Variants in FYCO1 observed in about 807,000 individuals in gnomAD.
FYCO1 encodes the protein FYVE and coiled-coil domain-containing protein 1.
FYCO1 carries 122 observed loss-of-function variants against 165.1 expected under a neutral mutation model. That is an observed-to-expected ratio of 0.74 (90% CI 0.64 to 0.86). The LOEUF is 0.86. Among genes scored for constraint, FYCO1 ranks in the 40% least tolerant of loss-of-function variants. The pLI, the probability that FYCO1 is intolerant of heterozygous loss-of-function variation, is 0.00. For synonymous variants in FYCO1, 648 were observed against 742.5 expected (o/e 0.87, Z 2.07); for missense variants, 1,702 against 1,810.3 (o/e 0.94, Z 1.09).
Position 45,964,288 on chromosome 3 carries a change from T to C in FYCO1, c.3269+48A>G. On this transcript the variant is annotated intron_variant, in intron 10 of 17. Transcript: ENST00000296137. The surrounding 1 kb of genome is among the most constrained non-coding windows in gnomAD (Gnocchi z 4.1). ...CTTTCTAAATGACGAGACCAAACACTCCTTCCCTGAAGACTACCGACAGCT... is the reference window on the plus strand; with the variant it reads ...CTTTCTAAATGACGAGACCAAACACCCCTTCCCTGAAGACTACCGACAGCT... 7.2e-7 allele frequency: 1 copy of C among 1,390,686 alleles called. No individual in the cohort carries two copies. Among genetic ancestry groups the C allele is most frequent in the Non-Finnish European group, 1.0e-6 (1 of 976,230 alleles). 86.1% of individuals were successfully genotyped at this position (1,390,686 alleles called of 1,614,324 possible).
intron 4 of FYCO1, among the ~76,000 whole-genome samples, chr3:45,979,011 C>T (rs896949194): frequency 2.0e-5 from 3 of 151,928 alleles, no homozygotes; most frequent in Non-Finnish European, 4.4e-5. Context: ...CGCCCGCCAC[C>T]ACGCCTGGCT....
intron 1 of FYCO1, among the ~76,000 whole-genome samples, chr3:45,994,786 C>A (rs889179573): frequency 6.6e-6 from 1 of 152,098 alleles, no homozygotes; most frequent in Non-Finnish European, 1.5e-5. Flanking sequence ...TCCTCTGCCC[C>A]GCAAAAGCCC....
Position 45,981,897 on chromosome 3 carries a change from C to G in FYCO1, c.56-221G>C, listed in dbSNP as rs546189214. ...CTTTACAATGCTTGTTGACTGGGCA[C>G]ATTTCTTGTTCACCCTTGTCTGTCC... is the stretch of plus-strand genomic sequence containing the variant. On this transcript the variant is annotated intron_variant, in intron 2 of 17. Transcript: ENST00000296137. Among the ~76,000 whole-genome samples, 3 of 152,336 alleles carry G rather than the reference C, an allele frequency of 2.0e-5. No homozygotes were observed. The South Asian group carries it at 6.2e-4, about 32-fold the overall frequency.
At chr3:45,982,986 C>T (rs933191585) in intron 2 of FYCO1, among the ~76,000 whole-genome samples, 1 of 152,150 alleles carries the variant, frequency 6.6e-6, no homozygotes, top group Non-Finnish European at 1.5e-5. Context: ...TCTGGGAACT[C>T]CTGAAACTTT....
In FYCO1 at chr3:45,964,238, T is replaced by A; in HGVS notation, c.3269+98A>T. 1.0e-6 allele frequency: 1 copy of A among 993,006 alleles called. No homozygotes were observed. The highest frequency in any genetic ancestry group is 1.6e-6 in the Non-Finnish European group (1 of 617,288). The allele number at this position is 993,006 out of a possible 1,614,324, so 61.5% of individuals were successfully genotyped here. Reference sequence around the variant, plus strand: ...TTGTGGCTTTTCTTGCAAAAGGACTTCCTAAACCTAATATGAGTGACTGAC... The same window carrying A: ...TTGTGGCTTTTCTTGCAAAAGGACTACCTAAACCTAATATGAGTGACTGAC... On this transcript the variant is annotated intron_variant, in intron 10 of 17. Coordinates refer to ENST00000296137, the MANE Select transcript of FYCO1 (RefSeq NM_024513.4). The surrounding 1 kb of genome is among the most constrained non-coding windows in gnomAD (Gnocchi z 4.1).
rs149643762 is a variant in FYCO1 at position 45,968,086 on chromosome 3, C to T, written c.1248G>A (p.Lys416=). The change falls in exon 8 of 18, where the codon AAG becomes AAA. Residue 416 remains lysine, a synonymous_variant. Coordinates refer to ENST00000296137, the MANE Select transcript of FYCO1 (RefSeq NM_024513.4). ...KLQALERERT[K]VEEVNRQQSA... ...TCTGCTGTCTGTTGACCTCCTCGAC[C>T]TTGGTTCTCTCCCTTTCTAGGGCTT... The T allele has an allele frequency of 1.2e-4, 198 of 1,614,196 alleles. No homozygotes were observed. The African/African-American group carries it at 2.5e-3, about 21-fold the overall frequency.
intron 14 of FYCO1, chr3:45,944,875 A>T (rs1400451913): frequency 6.6e-6 from 1 of 152,224 alleles, no homozygotes; most frequent in Non-Finnish European, 1.5e-5. Context: ...ATGAAAAAAT[A>T]TGTTTTTGCC....
Position 45,984,837 on chromosome 3 carries a change from G to C in FYCO1, c.55+19C>G. On this transcript the variant is annotated intron_variant, in intron 2 of 17. Coordinates refer to ENST00000296137, the MANE Select transcript of FYCO1 (RefSeq NM_024513.4). ...AGTCCCTCAAAACCAAACTCAGCCT[G>C]CCCAGCAACCTACCATACCTTGCAA... 6.2e-7 allele frequency: 1 copy of C among 1,614,022 alleles called. No homozygotes were observed. Among genetic ancestry groups the C allele is most frequent in the Non-Finnish European group, 8.5e-7 (1 of 1,179,884 alleles).
intron 5 of FYCO1, among the ~76,000 whole-genome samples, chr3:45,974,668 C>T (rs1358212215): frequency 6.6e-6 from 1 of 152,164 alleles, no homozygotes; most frequent in Non-Finnish European, 1.5e-5. Flanking sequence ...TCTAAGCTGA[C>T]ACCCATTCTC....
chr3:45,944,169 G>A (rs923960898), intron 14 of FYCO1, among the ~76,000 whole-genome samples: 1 of 150,634 alleles, frequency 6.6e-6, no homozygotes, highest in Admixed American at 6.6e-5. Context: ...CAGAATTGTA[G>A]GGGTGTTTGT....
chr3:45,969,240 T>G (rs1706285209), intron 7 of FYCO1, among the ~76,000 whole-genome samples: 1 of 152,234 alleles, frequency 6.6e-6, no homozygotes, highest in Non-Finnish European at 1.5e-5. Flanking sequence ...TAACATTGAC[T>G]GAGCCCTTGC....
At chr3:45,929,098 C>T (rs114209502) in intron 16 of FYCO1, among the ~76,000 whole-genome samples, 1,714 of 152,374 alleles carry the variant, frequency 0.011, 18 homozygotes, top group Non-Finnish European at 0.019. Flanking sequence ...GGGCACATGT[C>T]TGGAAACAGG....
At chr3:45,970,743 C>A (rs1056911320) in intron 6 of FYCO1, among the ~76,000 whole-genome samples, 1 of 152,030 alleles carries the variant, frequency 6.6e-6, no homozygotes, top group Non-Finnish European at 1.5e-5. Context: ...CTTTGCCAAC[C>A]CAACTCTACA....
rs1397687819 is a variant in FYCO1, at chr3:45,921,182, ACTGGGG to A, written c.*577_*582del. On this transcript the variant is annotated 3_prime_UTR_variant, in exon 18 of 18. Transcript: ENST00000296137. ...TGAGTTCTGGAGCAGCCTCCAGCTTACTGGGGCAGTGAGGGACAAGAGCATGACTGG... is the reference window on the plus strand; with the variant it reads ...TGAGTTCTGGAGCAGCCTCCAGCTTACAGTGAGGGACAAGAGCATGACTGG... The A allele has an allele frequency of 5.5e-6, 1 of 182,098 alleles. No homozygotes were observed. The highest frequency in any genetic ancestry group is 1.2e-5 in the Non-Finnish European group (1 of 84,812). The allele number at this position is 182,098 out of a possible 1,614,324, so 11.3% of individuals were successfully genotyped here. A position where few individuals can be genotyped will look rare whatever the true frequency, so the allele number is the denominator to read the frequency against.
At chr3:45,949,579 C>G (rs894214329) in intron 14 of FYCO1, among the ~76,000 whole-genome samples, 19 of 152,196 alleles carry the variant, frequency 1.2e-4, no homozygotes, top group Non-Finnish European at 1.9e-4. Context: ...TGCAGTACCC[C>G]TGACCCAAGC....
intron 14 of FYCO1, chr3:45,946,502 T>G (rs1472674397): frequency 1.2e-6 from 2 of 1,613,748 alleles, no homozygotes; most frequent in South Asian, 2.2e-5. Flanking sequence ...ATGATTACCA[T>G]GAAGACTATG....
intron 12 of FYCO1, among the ~76,000 whole-genome samples, chr3:45,958,866 T>A (rs1705522480): frequency 6.6e-6 from 1 of 152,228 alleles, no homozygotes; most frequent in Non-Finnish European, 1.5e-5. Flanking sequence ...TGAGCCCACC[T>A]TCCCTGGCAC....
intron 16 of FYCO1, among the ~76,000 whole-genome samples, chr3:45,929,653 C>T (rs187288160): frequency 1.4e-4 from 22 of 152,258 alleles, no homozygotes; most frequent in East Asian, 9.6e-4. Context: ...GAAGGAAGGG[C>T]TCCAGAGGTA....
chr3:45,940,100 G>A (rs1704136307), intron 14 of FYCO1, among the ~76,000 whole-genome samples: 1 of 152,318 alleles, frequency 6.6e-6, no homozygotes, highest in African/African-American at 2.4e-5. Context: ...TATTATTATT[G>A]TATTAACTTG....
Sources: allele counts gnomAD v4.1 joint callset (sites outside exome capture counted in the v4.1 genomes callset), GRCh38; gene constraint gnomAD v4.1.1; non-coding constraint Gnocchi (gnomAD v3.1); transcripts MANE v1.5; gene names NCBI Gene and HGNC (gene_info 2026-07-23, HGNC 2026-07-21).